Variants in SUGCT observed in about 807,000 individuals in gnomAD.
The protein encoded by SUGCT is succinyl-CoA:glutarate CoA-transferase.
A neutral mutation model predicts 55.0 loss-of-function variants in SUGCT; 41 were observed. That is an observed-to-expected ratio of 0.74 (90% CI 0.58 to 0.97). SUGCT has a LOEUF of 0.97. Ranked by LOEUF, SUGCT falls within the 50% of genes least tolerant of loss-of-function variation. The probability of loss-of-function intolerance (pLI) is 0.00; values close to 1 mark genes in which losing one functional copy is unlikely to be tolerated. For missense variants in SUGCT, 568 were observed against 547.8 expected (o/e 1.04, Z -0.37); for synonymous variants, 187 against 200.4 (o/e 0.93, Z 0.56).
intron 12 of SUGCT, among the ~76,000 whole-genome samples, chr7:40,625,924 T>C (rs1799506232): frequency 6.6e-6 from 1 of 152,196 alleles, no homozygotes; most frequent in African/African-American, 2.4e-5. Flanking sequence ...GCATCAAGCA[T>C]GGTGTGAAGC....
rs1319446001 is a variant in SUGCT, at chr7:40,377,197, T to C, written c.816+60342T>C. On this transcript the variant is annotated intron_variant, in intron 9 of 13. Coordinates refer to ENST00000335693, the MANE Select transcript of SUGCT (RefSeq NM_001193313.2). Reference sequence around the variant, plus strand: ...TTCTTTCTTTCTTTCTTTCTTTCTTTCTTTTCTTTTCTTTTCTTTCTTTTC... The same window carrying C: ...TTCTTTCTTTCTTTCTTTCTTTCTTCCTTTTCTTTTCTTTTCTTTCTTTTC... 6.1e-3 allele frequency among the ~76,000 whole-genome samples: 66 copies of C among 10,812 alleles called. 9 individuals are homozygous for C. In the Non-Finnish European group the frequency reaches 0.12, roughly 20 times the overall value. The allele number at this position is 10,812 out of a possible 152,430, so 7.1% of individuals were successfully genotyped here.
chr7:40,993,513 G>T, the SUGCT span, among the ~76,000 whole-genome samples: 1 of 152,206 alleles, frequency 6.6e-6, no homozygotes, highest in Non-Finnish European at 1.5e-5. Flanking sequence ...GGCTTTCTGT[G>T]TCACTGGTTC....
At chr7:40,138,492 T>G (rs1787813100) in intron 1 of SUGCT, among the ~76,000 whole-genome samples, 1 of 152,230 alleles carries the variant, frequency 6.6e-6, no homozygotes, top group African/African-American at 2.4e-5. Flanking sequence ...AATGATTTCT[T>G]TTCCTTTGGG....
chr7:40,944,403 T>G, the SUGCT span, among the ~76,000 whole-genome samples: 5 of 151,762 alleles, frequency 3.3e-5, no homozygotes, highest in South Asian at 4.2e-4. Context: ...CTAGGGTTTT[T>G]ATGGTTTTAG....
At chr7:40,528,576 G>A (rs756073306) in intron 12 of SUGCT, among the ~76,000 whole-genome samples, 26 of 152,266 alleles carry the variant, frequency 1.7e-4, no homozygotes, top group Admixed American at 4.6e-4. Context: ...GCAATGGAAA[G>A]GTTGTACCAA....
intron 9 of SUGCT, among the ~76,000 whole-genome samples, chr7:40,435,951 T>C (rs1235674923): frequency 6.2e-4 from 92 of 149,442 alleles, no homozygotes; most frequent in Non-Finnish European, 9.5e-4. Context: ...TTTTCTTTTT[T>C]TTTTTTTTTT....
chr7:40,552,958 G>C (rs1242220742), intron 12 of SUGCT, among the ~76,000 whole-genome samples: 1 of 152,112 alleles, frequency 6.6e-6, no homozygotes. Context: ...TTCAGAGTTT[G>C]AGATGCTTCT....
intron 7 of SUGCT, among the ~76,000 whole-genome samples, chr7:40,270,970 A>G (rs1791962915): frequency 2.0e-5 from 3 of 152,020 alleles, no homozygotes; most frequent in African/African-American, 7.2e-5. Context: ...AAATTGAATT[A>G]CTTTCTTTAT....
intron 8 of SUGCT, among the ~76,000 whole-genome samples, chr7:40,282,677 A>G (rs1197762604): frequency 2.0e-5 from 3 of 151,750 alleles, no homozygotes; most frequent in Non-Finnish European, 4.4e-5. Flanking sequence ...TGGGACCAGC[A>G]TGGCCACTAT....
intron 12 of SUGCT, among the ~76,000 whole-genome samples, chr7:40,629,103 G>A (rs937975032): frequency 2.0e-5 from 3 of 152,138 alleles, no homozygotes; most frequent in Non-Finnish European, 4.4e-5. Context: ...AACTTGGGAT[G>A]GAATGCAGGA....
At chr7:40,855,043 T>G (rs1053992230) in intron 13 of SUGCT, among the ~76,000 whole-genome samples, 9 of 151,232 alleles carry the variant, frequency 6.0e-5, no homozygotes, top group Non-Finnish European at 2.9e-5. Flanking sequence ...AAAAAAAGAC[T>G]AGTTTCCACC....
the SUGCT span, among the ~76,000 whole-genome samples, chr7:41,032,972 C>T: frequency 6.6e-6 from 1 of 152,290 alleles, no homozygotes; most frequent in South Asian, 2.1e-4. Flanking sequence ...CCATGTTGGC[C>T]AGGATGGTCT....
chr7:40,868,860 T>C, the SUGCT span, among the ~76,000 whole-genome samples: 1 of 152,318 alleles, frequency 6.6e-6, no homozygotes, highest in East Asian at 1.9e-4. Flanking sequence ...GGGCTATGAC[T>C]TGCTTTTTAA....
intron 12 of SUGCT, among the ~76,000 whole-genome samples, chr7:40,682,106 G>A (rs1047814312): frequency 3.3e-5 from 5 of 152,096 alleles, no homozygotes; most frequent in African/African-American, 1.2e-4. Context: ...GGCTAGCTAG[G>A]TGCCTGGAAT....
intron 11 of SUGCT, among the ~76,000 whole-genome samples, chr7:40,491,464 G>T (rs1791673695): frequency 6.6e-6 from 1 of 152,086 alleles, no homozygotes; most frequent in South Asian, 2.1e-4. Context: ...GAAGGAAATG[G>T]AAATCATAAA....
intron 12 of SUGCT, among the ~76,000 whole-genome samples, chr7:40,517,223 A>G (rs930459526): frequency 6.8e-6 from 1 of 146,120 alleles, no homozygotes; most frequent in Admixed American, 6.7e-5. Flanking sequence ...TAGTTCCAGT[A>G]GCATTTTTTT....
At chr7:40,808,010 C>G (rs1791200931) in intron 13 of SUGCT, 1 of 152,070 alleles carries the variant, frequency 6.6e-6, no homozygotes, top group Admixed American at 6.6e-5. Context: ...TCCCAATCTA[C>G]TGACTCAAAT....
intron 1 of SUGCT, among the ~76,000 whole-genome samples, chr7:40,146,509 C>T (rs984543378): frequency 1.3e-5 from 2 of 152,190 alleles, no homozygotes; most frequent in East Asian, 1.9e-4. Flanking sequence ...GCAAGTCAGT[C>T]GTAAGATTTA....
the SUGCT span, among the ~76,000 whole-genome samples, chr7:40,974,175 A>T: frequency 6.6e-6 from 1 of 152,150 alleles, no homozygotes; most frequent in East Asian, 1.9e-4. Context: ...TTTCTTTCTG[A>T]TCTTGTGGTG....
Sources: allele counts gnomAD v4.1 joint callset (sites outside exome capture counted in the v4.1 genomes callset), GRCh38; gene constraint gnomAD v4.1.1; transcripts MANE v1.5; gene names NCBI Gene and HGNC (gene_info 2026-07-23, HGNC 2026-07-21).